The following SNTG1 variants were observed in gnomAD, a reference collection of about 807,000 sequenced individuals.
The protein encoded by SNTG1 is syntrophin gamma 1, also known as gamma-1-syntrophin.
A neutral mutation model predicts 74.7 loss-of-function variants in SNTG1; 39 were observed. That is an observed-to-expected ratio of 0.52 (90% CI 0.40 to 0.68). SNTG1 has a LOEUF of 0.68. SNTG1 is among the 30% of genes least tolerant of loss of function. SNTG1 has a pLI of 0.00. For missense variants in SNTG1, 685 were observed against 609.5 expected (o/e 1.12, Z -1.30); for synonymous variants, 254 against 217.1 (o/e 1.17, Z -1.49).
intron 2 of SNTG1, among the ~76,000 whole-genome samples, chr8:50,202,704 A>T (rs1159107419): frequency 6.6e-6 from 1 of 152,036 alleles, no homozygotes; most frequent in African/African-American, 2.4e-5. Flanking sequence ...ATTTGTAAGG[A>T]GAGTTAAAGT....
intron 2 of SNTG1, among the ~76,000 whole-genome samples, chr8:50,239,873 A>G (rs2086091387): frequency 6.6e-6 from 1 of 152,068 alleles, no homozygotes; most frequent in African/African-American, 2.4e-5. Context: ...ATCTTTCCAG[A>G]CCTCGGTCTC....
intron 2 of SNTG1, among the ~76,000 whole-genome samples, chr8:50,392,872 G>C (rs1207367225): frequency 6.6e-6 from 1 of 152,056 alleles, no homozygotes. Flanking sequence ...AAACAAATAT[G>C]AGGTTATATT....
At chr8:50,566,172 A>G (rs1269966990) in intron 12 of SNTG1, among the ~76,000 whole-genome samples, 1 of 151,946 alleles carries the variant, frequency 6.6e-6, no homozygotes, top group Non-Finnish European at 1.5e-5. Flanking sequence ...TCCTTGCTTA[A>G]TAAAAGAAAA....
At chr8:50,483,054 G>A (rs572503824) in intron 8 of SNTG1, among the ~76,000 whole-genome samples, 1 of 152,204 alleles carries the variant, frequency 6.6e-6, no homozygotes, top group African/African-American at 2.4e-5. Context: ...AAAATAGAAA[G>A]GTGACAATAT....
chr8:50,615,094 C>T (rs2094877305), intron 13 of SNTG1, among the ~76,000 whole-genome samples: 2 of 151,956 alleles, frequency 1.3e-5, no homozygotes, highest in African/African-American at 2.4e-5. Context: ...CCGCGCCTGA[C>T]ACCATGCCCA....
intron 17 of SNTG1, among the ~76,000 whole-genome samples, chr8:50,743,828 A>G (rs955593290): frequency 1.5e-4 from 23 of 151,982 alleles, no homozygotes; most frequent in Admixed American, 1.3e-4. Flanking sequence ...AAAGAGGTTT[A>G]GTTGGCTTAC....
chr8:50,479,431 C>T (rs1361262048), intron 8 of SNTG1, among the ~76,000 whole-genome samples: 3 of 152,064 alleles, frequency 2.0e-5, no homozygotes, highest in African/African-American at 7.2e-5. Flanking sequence ...TTCTTTCCTA[C>T]AGAATTTGAA....
chr8:50,497,739 C>CCACT (rs1389787959), intron 8 of SNTG1, among the ~76,000 whole-genome samples: 1 of 151,926 alleles, frequency 6.6e-6, no homozygotes, highest in Admixed American at 6.6e-5. Flanking sequence ...TTTAATCTTG[C>CCACT]CACTGTATAA....
chr8:50,772,947 T>C (rs1360542131), intron 18 of SNTG1, among the ~76,000 whole-genome samples: 1 of 152,094 alleles, frequency 6.6e-6, no homozygotes, highest in East Asian at 1.9e-4. Context: ...CCACTTTCCC[T>C]TTCTGCCATG....
At chr8:50,037,602 A>G (rs964041005) in intron 1 of SNTG1, among the ~76,000 whole-genome samples, 1 of 152,218 alleles carries the variant, frequency 6.6e-6, no homozygotes, top group East Asian at 1.9e-4. Flanking sequence ...TATGTTGTGT[A>G]TTTTAAAAGA....
intron 17 of SNTG1, among the ~76,000 whole-genome samples, chr8:50,740,340 A>C (rs1378088827): frequency 6.8e-6 from 1 of 146,878 alleles, no homozygotes; most frequent in Non-Finnish European, 1.5e-5. Flanking sequence ...AAAAGAAGAC[A>C]TACATGTGGC....
intron 1 of SNTG1, among the ~76,000 whole-genome samples, chr8:50,129,470 C>T (rs1460436): frequency 6.6e-6 from 1 of 152,074 alleles, no homozygotes; most frequent in Non-Finnish European, 1.5e-5. Flanking sequence ...ATCAGTCTTC[C>T]TACAAAAGTT....
chr8:50,032,207 A>T (rs1400715122), intron 1 of SNTG1, among the ~76,000 whole-genome samples: 1 of 151,800 alleles, frequency 6.6e-6, no homozygotes, highest in East Asian at 1.9e-4. Flanking sequence ...CTTGCTACAG[A>T]TGTGTCCATT....
chr8:50,633,779 G>C (rs148713453), intron 13 of SNTG1, among the ~76,000 whole-genome samples: 166 of 152,262 alleles, frequency 1.1e-3, no homozygotes, highest in African/African-American at 3.7e-3. Flanking sequence ...ATTCCTATGG[G>C]GTGAGGAGTG....
chr8:50,245,274 C>T (rs900464111), intron 2 of SNTG1, among the ~76,000 whole-genome samples: 1 of 152,136 alleles, frequency 6.6e-6, no homozygotes, highest in Admixed American at 6.6e-5. Context: ...CTCACAATTC[C>T]TTGATTTGAG....
At chr8:50,273,333 T>C (rs2087893708) in intron 2 of SNTG1, among the ~76,000 whole-genome samples, 1 of 152,222 alleles carries the variant, frequency 6.6e-6, no homozygotes, top group Non-Finnish European at 1.5e-5. Context: ...GACAGAAGTC[T>C]GCACAAAATC....
chr8:50,590,837 T>A (rs1302442920), intron 12 of SNTG1, 42 bp from the exon 13 acceptor site: 2 of 1,327,780 alleles, frequency 1.5e-6, no homozygotes, highest in African/African-American at 3.0e-5. Flanking sequence ...TGTGTTACCA[T>A]CTATTGTTCT....
intron 9 of SNTG1, among the ~76,000 whole-genome samples, chr8:50,504,873 T>C (rs562804735): frequency 6.6e-6 from 1 of 152,348 alleles, no homozygotes; most frequent in Admixed American, 6.5e-5. Flanking sequence ...ATTTACCATC[T>C]TTACCATTTT....
At chr8:50,091,235 C>A (rs1232614819) in intron 1 of SNTG1, among the ~76,000 whole-genome samples, 2 of 151,940 alleles carry the variant, frequency 1.3e-5, no homozygotes, top group Non-Finnish European at 2.9e-5. Context: ...ATGATTACTA[C>A]AGTCAAGGAA....
Sources: allele counts gnomAD v4.1 joint callset (sites outside exome capture counted in the v4.1 genomes callset), GRCh38; gene constraint gnomAD v4.1.1; transcripts MANE v1.5; gene names NCBI Gene and HGNC (gene_info 2026-07-23, HGNC 2026-07-21).